Variants in GTF2F2 observed in about 807,000 individuals in gnomAD.
GTF2F2 encodes the protein general transcription factor IIF subunit 2, also known as ATP-dependent helicase GTF2F2.
GTF2F2 carries 23 observed loss-of-function variants against 42.2 expected under a neutral mutation model. The ratio of observed to expected loss-of-function variants is 0.55; its 90% CI spans 0.39 to 0.77. The LOEUF is 0.77. Among genes scored for constraint, GTF2F2 ranks in the 30% least tolerant of loss-of-function variants. GTF2F2 has a pLI of 0.00. For missense variants in GTF2F2, 261 were observed against 287.2 expected (o/e 0.91, Z 0.66); for synonymous variants, 105 against 100.8 (o/e 1.04, Z -0.25).
chr13:45,259,211 G>C (rs753885035), intron 6 of GTF2F2, among the ~76,000 whole-genome samples: 1 of 152,142 alleles, frequency 6.6e-6, no homozygotes, highest in African/African-American at 2.4e-5. Flanking sequence ...TGGATTACCT[G>C]AGGTCAGAAG....
At chr13:45,171,747 A>G (rs1418700100) in intron 4 of GTF2F2, among the ~76,000 whole-genome samples, 1 of 152,116 alleles carries the variant, frequency 6.6e-6, no homozygotes, top group Non-Finnish European at 1.5e-5. Flanking sequence ...ACCTATTTGT[A>G]GTCACCTGTT....
chr13:45,153,815 T>A (rs1187514460), intron 4 of GTF2F2, among the ~76,000 whole-genome samples: 1 of 151,418 alleles, frequency 6.6e-6, no homozygotes, highest in Non-Finnish European at 1.5e-5. Flanking sequence ...CTGTCTCTAT[T>A]AAAAATAAAA....
chr13:45,267,680 T>G (rs990866768), intron 7 of GTF2F2, among the ~76,000 whole-genome samples: 2 of 152,212 alleles, frequency 1.3e-5, no homozygotes, highest in Admixed American at 6.5e-5. Flanking sequence ...CCTATCTTCC[T>G]CTGAGAAAGT....
At chr13:45,168,888 C>T (rs142518253) in intron 4 of GTF2F2, among the ~76,000 whole-genome samples, 330 of 898 alleles carry the variant, frequency 0.37, 15 homozygotes, top group East Asian at 0.52. Flanking sequence ...TCCTTCCCTC[C>T]CTCCCTCCCT....
At chr13:45,232,938 A>C (rs993819888) in intron 5 of GTF2F2, among the ~76,000 whole-genome samples, 1 of 152,236 alleles carries the variant, frequency 6.6e-6, no homozygotes, top group Non-Finnish European at 1.5e-5. Context: ...TTACAGTTTC[A>C]AGAATCTGAT....
chr13:45,176,169 CT>C (rs1425751031), intron 4 of GTF2F2, among the ~76,000 whole-genome samples: 1 of 152,132 alleles, frequency 6.6e-6, no homozygotes, highest in African/African-American at 2.4e-5. Flanking sequence ...GCTATAATTT[CT>C]AAGTGTGGAC....
chr13:45,245,520 C>T (rs537918933), intron 5 of GTF2F2, among the ~76,000 whole-genome samples: 5 of 151,956 alleles, frequency 3.3e-5, no homozygotes, highest in African/African-American at 4.8e-5. Flanking sequence ...CATAGTTTAG[C>T]TCCCACTTAC....
intron 5 of GTF2F2, among the ~76,000 whole-genome samples, chr13:45,238,250 C>T (rs959811901): frequency 1.3e-5 from 2 of 152,098 alleles, no homozygotes; most frequent in African/African-American, 2.4e-5. Context: ...CCACCACGCC[C>T]GGCCTGAAAA....
intron 4 of GTF2F2, among the ~76,000 whole-genome samples, chr13:45,181,667 G>A (rs1180099384): frequency 6.6e-6 from 1 of 151,864 alleles, no homozygotes; most frequent in Non-Finnish European, 1.5e-5. Context: ...TTCATATTTC[G>A]GCTATATAAG....
chr13:45,193,826 AC>A (rs1240417482), intron 4 of GTF2F2: 3 of 1,608,584 alleles, frequency 1.9e-6, no homozygotes, highest in Non-Finnish European at 2.5e-6. Flanking sequence ...TGAACAATTG[AC>A]CCTTTGGAAC....
At chr13:45,153,298 A>T (rs922376080) in intron 4 of GTF2F2, among the ~76,000 whole-genome samples, 1 of 151,970 alleles carries the variant, frequency 6.6e-6, no homozygotes, top group Non-Finnish European at 1.5e-5. Flanking sequence ...GATTACAGGC[A>T]TGAGCCACCG....
intron 6 of GTF2F2, among the ~76,000 whole-genome samples, chr13:45,265,315 T>C (rs1352707703): frequency 6.6e-6 from 1 of 152,018 alleles, no homozygotes; most frequent in Non-Finnish European, 1.5e-5. Flanking sequence ...CAATACAATC[T>C]GTGTCATTCA....
intron 4 of GTF2F2, among the ~76,000 whole-genome samples, chr13:45,203,695 C>T (rs1295258366): frequency 2.6e-5 from 4 of 152,114 alleles, no homozygotes; most frequent in African/African-American, 4.8e-5. Context: ...GTTCTAGCAT[C>T]GTTTGAGCAG....
intron 4 of GTF2F2, among the ~76,000 whole-genome samples, chr13:45,187,245 A>T (rs1032674165): frequency 1.3e-5 from 2 of 152,062 alleles, no homozygotes; most frequent in African/African-American, 2.4e-5. Context: ...ATATTTTTTT[A>T]AATTTATATT....
chr13:45,168,548 G>A (rs1202359357), intron 4 of GTF2F2, among the ~76,000 whole-genome samples: 1 of 152,112 alleles, frequency 6.6e-6, no homozygotes, highest in Non-Finnish European at 1.5e-5. Context: ...TCATTTTATA[G>A]GCTCATTTCT....
At chr13:45,217,681 G>A (rs1593497404) in intron 5 of GTF2F2, among the ~76,000 whole-genome samples, 1 of 152,262 alleles carries the variant, frequency 6.6e-6, no homozygotes, top group African/African-American at 2.4e-5. Context: ...AAGCAGTATT[G>A]GCATGTGATG....
chr13:45,226,281 G>T (rs1055863146), intron 5 of GTF2F2, among the ~76,000 whole-genome samples: 1 of 152,168 alleles, frequency 6.6e-6, no homozygotes, highest in Non-Finnish European at 1.5e-5. Flanking sequence ...AACTTACGCT[G>T]TTGGTTGTAA....
At chr13:45,188,763 C>T (rs1055034230) in intron 4 of GTF2F2, among the ~76,000 whole-genome samples, 1 of 152,098 alleles carries the variant, frequency 6.6e-6, no homozygotes, top group African/African-American at 2.4e-5. Context: ...TTTCACTGTG[C>T]TTTTTTCTCC....
chr13:45,222,701 T>C (rs1483277716), intron 5 of GTF2F2, among the ~76,000 whole-genome samples: 1 of 152,206 alleles, frequency 6.6e-6, no homozygotes, highest in African/African-American at 2.4e-5. Context: ...ATCTATTATA[T>C]AACAGACACT....
Sources: gnomAD v4.1 joint callset for allele counts (sites outside exome capture counted in the v4.1 genomes callset) on GRCh38, gnomAD v4.1.1 for gene constraint, MANE v1.5 for transcripts, NCBI Gene and HGNC (gene_info 2026-07-23, HGNC 2026-07-21) for gene names.